The following COA8 variants were observed in gnomAD, a reference collection of about 807,000 sequenced individuals.
COA8 encodes UPF0671 protein C14orf153.
Under a neutral mutation model 22.0 loss-of-function variants are expected in COA8, and 20 were observed. That is an observed-to-expected ratio of 0.91 (90% CI 0.64 to 1.32). COA8 has a LOEUF of 1.32. Among genes scored for constraint, COA8 ranks in the 40% most tolerant of loss-of-function variants. The pLI is 0.00. For missense variants in COA8, 266 were observed against 230.0 expected, an observed-to-expected ratio of 1.16 and a Z score of -1.01; for synonymous variants, 105 against 79.9, an observed-to-expected ratio of 1.31 and a Z score of -1.68.
chr14:103,575,290 G>GGC (rs2076222694), intron 3 of COA8, among the ~76,000 whole-genome samples: 2 of 152,256 alleles, frequency 1.3e-5, no homozygotes, highest in African/African-American at 4.8e-5. Flanking sequence ...TAACAGATGG[G>GGC]AGAAGTTGTT....
intron 3 of COA8, among the ~76,000 whole-genome samples, chr14:103,577,430 G>T (rs1474890426): frequency 6.6e-6 from 1 of 152,174 alleles, no homozygotes; most frequent in Non-Finnish European, 1.5e-5. Flanking sequence ...GTTCATGGGG[G>T]AATGTTTTCA....
chr14:103,586,475 T>G (rs2076308023), intron 3 of COA8, among the ~76,000 whole-genome samples: 1 of 151,966 alleles, frequency 6.6e-6, no homozygotes, highest in African/African-American at 2.4e-5. Flanking sequence ...CCCAAGTAGC[T>G]GGGACTACAG....
intron 3 of COA8, among the ~76,000 whole-genome samples, chr14:103,584,401 C>T (rs146494787): frequency 3.1e-4 from 47 of 152,230 alleles, no homozygotes; most frequent in South Asian, 8.3e-4. Flanking sequence ...GCCCCCATCC[C>T]GAAGCAGTAC....
chr14:103,590,405 G>T lies in COA8; in HGVS notation c.*119G>T. On this transcript the variant is annotated 3_prime_UTR_variant, in exon 5 of 5. Transcript: ENST00000409074. ...AAGAAGCCCCACATCTTCCTAAGGG[G>T]CCCCATGGCCTGTTTGGGGGCAGGG... The T allele has an allele frequency of 1.0e-6, 1 of 968,760 alleles. No individual in the cohort carries two copies. The highest frequency in any genetic ancestry group is 3.1e-4 in the Middle Eastern group (1 of 3,192). The allele number at this position is 968,760 out of a possible 1,614,324, so 60.0% of individuals were successfully genotyped here. A position where few individuals can be genotyped will look rare whatever the true frequency, so the allele number is the denominator to read the frequency against.
At chr14:103,574,078 C>CTTTTTTTTTTTTTT in intron 2 of COA8, 29 bp from the exon 3 acceptor site, 2 of 1,012,754 alleles carry the variant, frequency 2.0e-6, no homozygotes, top group Non-Finnish European at 2.6e-6. Context: ...TTCTGAGAGC[C>CTTTTTTTTTTTTTT]TTTTTTTTTT....
Position 103,590,107 on chromosome 14 carries a change from G to A in COA8, c.477-74G>A, listed in dbSNP as rs1319714218. 9 of 1,277,064 alleles carry A rather than the reference G, an allele frequency of 7.0e-6. No homozygotes were observed. The African/African-American group carries it at 1.3e-4, about 19-fold the overall frequency. The allele number at this position is 1,277,064 out of a possible 1,614,324, so 79.1% of individuals were successfully genotyped here. ...CAGTTGAACTCATCCTCAACTGGGAGCCACTTCTGGGCCAGGGCACCAAGC... is the reference window on the plus strand; with the variant it reads ...CAGTTGAACTCATCCTCAACTGGGAACCACTTCTGGGCCAGGGCACCAAGC... On this transcript the variant is annotated intron_variant, in intron 4 of 4. Transcript: ENST00000409074.
intron 1 of COA8, among the ~76,000 whole-genome samples, chr14:103,569,252 T>G (rs2076162450): frequency 6.6e-6 from 1 of 152,228 alleles, no homozygotes; most frequent in African/African-American, 2.4e-5. Flanking sequence ...CCCAAGCTGC[T>G]TGTCCTCGCT....
intron 3 of COA8, among the ~76,000 whole-genome samples, chr14:103,585,642 C>T (rs1279714728): frequency 1.5e-5 from 2 of 135,920 alleles, no homozygotes; most frequent in East Asian, 2.3e-4. Context: ...GTGGTGTGAA[C>T]TCGGCTCACT....
intron 3 of COA8, among the ~76,000 whole-genome samples, chr14:103,585,152 A>AATAC (rs2151186571): frequency 6.7e-6 from 1 of 150,264 alleles, no homozygotes; most frequent in Non-Finnish European, 1.5e-5. Context: ...TAAATAAATA[A>AATAC]ATAGGATGAT....
intron 3 of COA8, among the ~76,000 whole-genome samples, chr14:103,586,324 C>T (rs1220491056): frequency 6.0e-5 from 9 of 151,228 alleles, no homozygotes; most frequent in Non-Finnish European, 7.4e-5. Flanking sequence ...CCTCCTTCCC[C>T]GGCCTCTTGA....
intron 1 of COA8, among the ~76,000 whole-genome samples, chr14:103,565,451 C>T (rs1043081102): frequency 6.6e-6 from 1 of 152,058 alleles, no homozygotes; most frequent in African/African-American, 2.4e-5. Context: ...TAGTTTGCAT[C>T]ATTGGTTCCT....
intron 1 of COA8, among the ~76,000 whole-genome samples, chr14:103,570,810 C>T (rs1004663913): frequency 5.9e-5 from 9 of 152,144 alleles, no homozygotes; most frequent in Non-Finnish European, 1.0e-4. Flanking sequence ...AGTCTCTCCT[C>T]GCATCTGGGG....
chr14:103,576,562 C>T (rs1043783433), intron 3 of COA8, among the ~76,000 whole-genome samples: 10 of 152,138 alleles, frequency 6.6e-5, no homozygotes, highest in Admixed American at 1.3e-4. Context: ...TACCCAGAGG[C>T]GGGTGGAGCT....
intron 3 of COA8, 98 bp downstream of exon 3, chr14:103,574,268 A>G: frequency 6.5e-7 from 1 of 1,549,038 alleles, no homozygotes; most frequent in Non-Finnish European, 8.9e-7. Context: ...GGGGAAGTTC[A>G]GGGCGGTCCT....
intron 4 of COA8, among the ~76,000 whole-genome samples, chr14:103,589,120 G>T (rs980839968): frequency 1.3e-5 from 2 of 152,136 alleles, no homozygotes; most frequent in Non-Finnish European, 2.9e-5. Context: ...AGAGGAGCCT[G>T]GCCCCCACCA....
intron 3 of COA8, 61 bp from the exon 4 acceptor site, chr14:103,587,213 A>G (rs1260371424): frequency 7.2e-7 from 1 of 1,384,680 alleles, no homozygotes; most frequent in Non-Finnish European, 1.0e-6. Flanking sequence ...ATTAGCTCTA[A>G]TAGTTTTTTG....
Position 103,571,673 on chromosome 14 carries a change from C to T in COA8, c.174C>T (p.Pro58=). The change falls in exon 2 of 5, where the codon CCC becomes CCT. Residue 58 remains proline (P), a synonymous_variant. Transcript: ENST00000409074. ...AGTCTTGCCATGATTGGATAGGACC[C>T]CCAGATAAATATTCAAACCTTCGAC... ...PRKSCHDWIG[P]PDKYSNLRPV... 1 of 1,614,118 alleles carries T rather than the reference C, an allele frequency of 6.2e-7. No individual in the cohort carries two copies. The highest frequency in any genetic ancestry group is 8.5e-7 in the Non-Finnish European group (1 of 1,180,028).
intron 4 of COA8, among the ~76,000 whole-genome samples, chr14:103,589,763 A>C (rs1460695049): frequency 2.0e-5 from 3 of 151,548 alleles, no homozygotes; most frequent in Admixed American, 6.6e-5. Flanking sequence ...AAATACAAAA[A>C]ATTAGCCGGG....
In COA8 at chr14:103,563,032, T is replaced by A; in HGVS notation, c.31T>A (p.Phe11Ile). 3 of 1,551,442 alleles carry A rather than the reference T, an allele frequency of 1.9e-6. No individual in the cohort carries two copies. Among genetic ancestry groups the A allele is most frequent in the Non-Finnish European group, 2.6e-6 (3 of 1,154,268 alleles). MVVLRAGKKT[F>I]LPPLCRAFAC... ...GGTCTTGCGGGCGGGGAAGAAGACC[T>A]TTCTCCCCCCTCTCTGCCGCGCCTT... Residue 11 changes from phenylalanine to isoleucine, a missense_variant, in exon 1 of 5, where the codon TTT (phenylalanine) becomes ATT (isoleucine). Phe to Ile is a conservative substitution (Grantham distance 21). Transcript: ENST00000409074.
Sources: gnomAD v4.1 joint callset for allele counts (sites outside exome capture counted in the v4.1 genomes callset) on GRCh38, gnomAD v4.1.1 for gene constraint, MANE v1.5 for transcripts, NCBI Gene and HGNC (gene_info 2026-07-23, HGNC 2026-07-21) for gene names.